Variants in ELOC observed in about 807,000 individuals in gnomAD.
The protein encoded by ELOC is elongin C, also known as elongin-C.
For synonymous variants in ELOC, 40 were observed against 51.3 expected, an observed-to-expected ratio of 0.78 and a Z score of 0.94; for missense variants, 38 against 139.0, an observed-to-expected ratio of 0.27 and a Z score of 3.65.
chr8:73,963,115 T>C (rs555889063), intron 1 of ELOC, among the ~76,000 whole-genome samples: 1 of 152,356 alleles, frequency 6.6e-6, no homozygotes, highest in East Asian at 1.9e-4. Flanking sequence ...GACGTCATTA[T>C]GCTTTTAAGG....
intron 1 of ELOC, among the ~76,000 whole-genome samples, chr8:73,968,318 C>T (rs973955537): frequency 4.6e-5 from 7 of 152,260 alleles, no homozygotes; most frequent in African/African-American, 1.7e-4. Context: ...CCACCTATAA[C>T]TCAGCTTCCC....
intron 1 of ELOC, among the ~76,000 whole-genome samples, chr8:73,963,040 T>A (rs1814710438): frequency 6.6e-6 from 1 of 152,184 alleles, no homozygotes; most frequent in South Asian, 2.1e-4. Context: ...TAAAAGCCAC[T>A]CGTAGGGGAA....
chr8:73,948,771 G>C (rs1207149968), intron 3 of ELOC, among the ~76,000 whole-genome samples: 1 of 152,118 alleles, frequency 6.6e-6, no homozygotes, highest in Non-Finnish European at 1.5e-5. Context: ...GGAGTTCAAG[G>C]CTGCAGTGCG....
At chr8:73,951,647 C>CACA (rs71269967) in intron 3 of ELOC, among the ~76,000 whole-genome samples, 40,069 of 149,728 alleles carry the variant, frequency 0.27, 5,476 homozygotes, top group Non-Finnish European at 0.32. Flanking sequence ...CAAAAAACCC[C>CACA]ACAACAACAA....
intron 3 of ELOC, among the ~76,000 whole-genome samples, chr8:73,952,878 A>C (rs1813871136): frequency 6.6e-6 from 1 of 152,212 alleles, no homozygotes. Context: ...TTCAACAACA[A>C]AAATACAAAC....
intron 1 of ELOC, among the ~76,000 whole-genome samples, chr8:73,965,758 C>T (rs1814933650): frequency 6.6e-6 from 1 of 152,156 alleles, no homozygotes; most frequent in Non-Finnish European, 1.5e-5. Context: ...CCAAAGATAT[C>T]ATCACTCTAG....
chr8:73,971,046 A>AAAAAAAAG (rs1009857839), intron 1 of ELOC, among the ~76,000 whole-genome samples: 5 of 149,760 alleles, frequency 3.3e-5, no homozygotes, highest in African/African-American at 1.2e-4. Context: ...AAAAAAAAAA[A>AAAAAAAAG]AAAAAGAAAA....
intron 3 of ELOC, among the ~76,000 whole-genome samples, chr8:73,950,777 CAGAAT>C (rs1250379923): frequency 2.6e-5 from 4 of 152,150 alleles, no homozygotes; most frequent in African/African-American, 9.7e-5. Flanking sequence ...TATGAGTTTA[CAGAAT>C]AAAGCTCAAA....
intron 1 of ELOC, among the ~76,000 whole-genome samples, chr8:73,970,943 A>G (rs1385682516): frequency 6.8e-6 from 1 of 146,160 alleles, no homozygotes; most frequent in Non-Finnish European, 1.5e-5. Flanking sequence ...CTGAGGCAGG[A>G]GAATGGCTTG....
intron 3 of ELOC, among the ~76,000 whole-genome samples, chr8:73,952,363 A>T (rs12547656): frequency 6.6e-6 from 1 of 151,452 alleles, no homozygotes; most frequent in South Asian, 2.1e-4. Flanking sequence ...GCCGAGATTG[A>T]GCCACTGCAC....
chr8:73,969,254 T>G (rs1437846596), intron 1 of ELOC, among the ~76,000 whole-genome samples: 1 of 152,226 alleles, frequency 6.6e-6, no homozygotes, highest in Non-Finnish European at 1.5e-5. Context: ...TTTCAGTACA[T>G]GCACTGCTGT....
Position 73,972,141 on chromosome 8 carries a change from GC to G in ELOC, c.-116del, listed in dbSNP as rs537639291. ...CTGCCACAGCCCCTATCCCAGGGCC[GC>G]CCCCCCACCCCCAGCTGCCTGCTCC... On this transcript the variant is annotated 5_prime_UTR_variant, in exon 1 of 4. Coordinates refer to ENST00000520242, the MANE Select transcript of ELOC (RefSeq NM_005648.4). 6 of 152,240 alleles carry G rather than the reference GC, an allele frequency of 3.9e-5. No homozygotes were observed. Among genetic ancestry groups the G allele is most frequent in the Non-Finnish European group, 5.9e-5 (4 of 68,178 alleles). 9.4% of individuals were successfully genotyped at this position (152,240 alleles called of 1,614,324 possible). A position where few individuals can be genotyped will look rare whatever the true frequency, so the allele number is the denominator to read the frequency against.
chr8:73,946,482 A>G lies in ELOC; in HGVS notation c.*148T>C. 1 of 542,234 alleles carries G rather than the reference A, an allele frequency of 1.8e-6. No homozygotes were observed. The highest frequency in any genetic ancestry group is 3.0e-6 in the Non-Finnish European group (1 of 332,602). The allele number at this position is 542,234 out of a possible 1,614,324, so 33.6% of individuals were successfully genotyped here. A position where few individuals can be genotyped will look rare whatever the true frequency, so the allele number is the denominator to read the frequency against. On this transcript the variant is annotated 3_prime_UTR_variant, in exon 4 of 4. Transcript: ENST00000520242. ...CAAACAAATTTCAACTTTGATTGCTATGCAAAAAAACAAGATAATCTGCTT... is the reference window on the plus strand; with the variant it reads ...CAAACAAATTTCAACTTTGATTGCTGTGCAAAAAAACAAGATAATCTGCTT...
chr8:73,967,327 G>C (rs1815057168), intron 1 of ELOC, among the ~76,000 whole-genome samples: 1 of 152,038 alleles, frequency 6.6e-6, no homozygotes, highest in South Asian at 2.1e-4. Flanking sequence ...CAGGCTGTAA[G>C]GTCTCTGTTA....
At chr8:73,959,856 C>A (rs1814471893) in intron 1 of ELOC, 38 bp from the exon 2 acceptor site, 1 of 1,136,332 alleles carries the variant, frequency 8.8e-7, no homozygotes, top group South Asian at 1.8e-5. Flanking sequence ...ATTAATGTTG[C>A]AAGAGACAAG....
At chr8:73,966,780 A>T (rs1009847288) in intron 1 of ELOC, among the ~76,000 whole-genome samples, 1 of 151,946 alleles carries the variant, frequency 6.6e-6, no homozygotes, top group Admixed American at 6.6e-5. Context: ...AGCCCAAGAC[A>T]TGGGTCTTGA....
At chr8:73,950,244 A>C (rs1015167549) in intron 3 of ELOC, among the ~76,000 whole-genome samples, 2 of 152,246 alleles carry the variant, frequency 1.3e-5, no homozygotes, top group African/African-American at 4.8e-5. Flanking sequence ...TCTTTCTGAC[A>C]TAAAAATGAA....
intron 1 of ELOC, among the ~76,000 whole-genome samples, chr8:73,967,468 C>CTT (rs201615321): frequency 0.011 from 1,508 of 135,824 alleles, 18 homozygotes; most frequent in African/African-American, 0.029. Flanking sequence ...ATTTTCTTTT[C>CTT]TTTTTTTTTT....
intron 2 of ELOC, among the ~76,000 whole-genome samples, chr8:73,957,967 G>C (rs543754585): frequency 2.5e-3 from 378 of 152,098 alleles, no homozygotes; most frequent in African/African-American, 8.7e-3. Flanking sequence ...AGTAGAGATG[G>C]GGTTTCACCA....
Sources: gnomAD v4.1 joint callset for allele counts (sites outside exome capture counted in the v4.1 genomes callset) on GRCh38, gnomAD v4.1.1 for gene constraint, MANE v1.5 for transcripts, NCBI Gene and HGNC (gene_info 2026-07-23, HGNC 2026-07-21) for gene names.